NTRK3: variants seen among roughly 807,000 people sequenced by gnomAD.
NTRK3 encodes NT-3 growth factor receptor.
Under a neutral mutation model 91.7 loss-of-function variants are expected in NTRK3, and 24 were observed. That is an observed-to-expected ratio of 0.26 (90% CI 0.19 to 0.37). The LOEUF is 0.37. Ranked by LOEUF, NTRK3 falls within the 10% of genes least tolerant of loss-of-function variation. The probability of loss-of-function intolerance (pLI) is 1.00; values close to 1 mark genes in which losing one functional copy is unlikely to be tolerated. For missense variants in NTRK3, 880 were observed against 1,068.9 expected (o/e 0.82, Z 2.46); for synonymous variants, 483 against 404.0 (o/e 1.20, Z -2.34).
intron 10 of NTRK3, among the ~76,000 whole-genome samples, chr15:88,132,613 G>A (rs1211808999): frequency 1.3e-5 from 2 of 152,166 alleles, no homozygotes; most frequent in East Asian, 3.9e-4. Context: ...TAATCACGAT[G>A]TCTCCACACT....
intron 17 of NTRK3, among the ~76,000 whole-genome samples, chr15:87,886,697 T>TATATATATATATATATATACAC (rs1335887821): frequency 1.5e-5 from 2 of 135,882 alleles, no homozygotes; most frequent in African/African-American, 5.8e-5. Flanking sequence ...TATATATATA[T>TATATATATATATATATATACAC]ATACATATAT....
intron 3 of NTRK3, among the ~76,000 whole-genome samples, chr15:88,190,735 T>C (rs2076123381): frequency 6.6e-6 from 1 of 152,202 alleles, no homozygotes; most frequent in Non-Finnish European, 1.5e-5. Flanking sequence ...GGAAGCCAGA[T>C]GCCTTCAGGC....
intron 3 of NTRK3, among the ~76,000 whole-genome samples, chr15:88,187,221 A>T (rs1863494): frequency 0.25 from 38,647 of 152,102 alleles, 5,874 homozygotes; most frequent in African/African-American, 0.42. Flanking sequence ...TGTGGAGGGG[A>T]AGGAAACCTG....
chr15:87,911,311 A>T (rs2067075789), intron 17 of NTRK3, among the ~76,000 whole-genome samples: 1 of 152,196 alleles, frequency 6.6e-6, no homozygotes, highest in African/African-American at 2.4e-5. Flanking sequence ...TGAGTCCTTA[A>T]ATTGCTCTAC....
chr15:88,126,502 A>T, intron 12 of NTRK3, 129 bp from the exon 13 acceptor site: 1 of 632,110 alleles, frequency 1.6e-6, no homozygotes, highest in Non-Finnish European at 2.9e-6. Flanking sequence ...GAACTGCAAT[A>T]CTGAGTAAGG....
intron 17 of NTRK3, among the ~76,000 whole-genome samples, chr15:87,920,711 G>T (rs534048155): frequency 2.0e-5 from 3 of 152,272 alleles, no homozygotes; most frequent in African/African-American, 7.2e-5. Flanking sequence ...GCAGGAGGGG[G>T]TCTTATAGCC....
intron 3 of NTRK3, among the ~76,000 whole-genome samples, chr15:88,196,455 G>A (rs1228343207): frequency 6.6e-6 from 1 of 152,172 alleles, no homozygotes; most frequent in East Asian, 1.9e-4. Flanking sequence ...GGCTGCAGGA[G>A]GGAGGCAGGC....
In NTRK3 at chr15:87,952,241, AAAAG is replaced by A. The variant is rs200712343; in HGVS notation, c.1586-11492_1586-11489del. ...AAGAAAAGAGAAAGAAAAGAAAAGA[AAAAG>A]AAAGAAAGAGAAAGAAAAGAAGGAA... is the stretch of plus-strand genomic sequence containing the variant. On this transcript the variant is annotated intron_variant, in intron 14 of 18. Coordinates refer to ENST00000394480, the Ensembl canonical transcript of NTRK3. 6.5e-4 allele frequency among the ~76,000 whole-genome samples: 98 copies of A among 151,596 alleles called. 1 individual carries two copies. Among genetic ancestry groups the A allele is most frequent in the East Asian group, 3.7e-3 (19 of 5,182 alleles).
At chr15:87,943,068 T>G (rs1485934242) in intron 14 of NTRK3, among the ~76,000 whole-genome samples, 1 of 151,912 alleles carries the variant, frequency 6.6e-6, no homozygotes, top group Non-Finnish European at 1.5e-5. Context: ...CAAAATCACC[T>G]AGACGGCTTG....
intron 18 of NTRK3, among the ~76,000 whole-genome samples, chr15:87,877,768 C>G (rs966969225): frequency 3.3e-5 from 5 of 152,106 alleles, no homozygotes; most frequent in African/African-American, 1.2e-4. Context: ...TTCACCACTG[C>G]CTTCTGGGTG....
intron 14 of NTRK3, among the ~76,000 whole-genome samples, chr15:87,973,071 T>C (rs557127671): frequency 5.3e-4 from 81 of 152,138 alleles, no homozygotes; most frequent in Non-Finnish European, 1.1e-3. Context: ...CCCAGGAGCA[T>C]ACAGAACCTT....
chr15:88,193,132 A>G (rs922033947), intron 3 of NTRK3, among the ~76,000 whole-genome samples: 6 of 152,090 alleles, frequency 3.9e-5, no homozygotes, highest in Admixed American at 3.3e-4. Context: ...CTATGTAGCC[A>G]CCCAGCTGCC....
At chr15:87,921,639 G>A (rs775300141) in intron 17 of NTRK3, among the ~76,000 whole-genome samples, 2 of 152,098 alleles carry the variant, frequency 1.3e-5, no homozygotes, top group African/African-American at 4.8e-5. Flanking sequence ...GGAGTAACAG[G>A]TCTAATGCAG....
At chr15:88,114,586 T>C (rs530830042) in intron 13 of NTRK3, among the ~76,000 whole-genome samples, 16 of 152,246 alleles carry the variant, frequency 1.1e-4, no homozygotes, top group Middle Eastern at 6.8e-3. Context: ...TACTAACTCA[T>C]CTCAAAGACA....
chr15:88,180,620 A>G (rs1486778580), intron 5 of NTRK3, among the ~76,000 whole-genome samples: 4 of 151,248 alleles, frequency 2.6e-5, no homozygotes, highest in African/African-American at 9.8e-5. Context: ...GGGCAATGAT[A>G]TCACTTCCTA....
intron 14 of NTRK3, among the ~76,000 whole-genome samples, chr15:87,957,941 G>A (rs537047293): frequency 2.0e-5 from 3 of 152,312 alleles, no homozygotes; most frequent in Non-Finnish European, 4.4e-5. Flanking sequence ...CCTCCGAGGA[G>A]AGGAACTCAG....
intron 17 of NTRK3, among the ~76,000 whole-genome samples, chr15:87,889,557 A>G (rs1265568666): frequency 6.6e-6 from 1 of 151,976 alleles, no homozygotes; most frequent in Non-Finnish European, 1.5e-5. Flanking sequence ...GGCACATGGC[A>G]CCATGACTGG....
intron 14 of NTRK3, among the ~76,000 whole-genome samples, chr15:87,942,642 G>A (rs2070001910): frequency 6.6e-6 from 1 of 152,082 alleles, no homozygotes; most frequent in Non-Finnish European, 1.5e-5. Flanking sequence ...GGAAGGCCTG[G>A]GAAGCCACAG....
chr15:88,056,843 G>A (rs2045738540), intron 13 of NTRK3, among the ~76,000 whole-genome samples: 1 of 152,180 alleles, frequency 6.6e-6, no homozygotes, highest in Admixed American at 6.5e-5. Context: ...CCTCACTTAA[G>A]CAATAATCTC....
Sources: gnomAD v4.1 joint callset for allele counts (sites outside exome capture counted in the v4.1 genomes callset) on GRCh38, gnomAD v4.1.1 for gene constraint, MANE v1.5 for transcripts, NCBI Gene and HGNC (gene_info 2026-07-23, HGNC 2026-07-21) for gene names.